CSMD1: variants seen among roughly 807,000 people sequenced by gnomAD.
The protein encoded by CSMD1 is CUB and sushi domain-containing protein 1.
Under a neutral mutation model 417.5 loss-of-function variants are expected in CSMD1, and 213 were observed. The ratio of observed to expected loss-of-function variants is 0.51; its 90% CI spans 0.46 to 0.57. The LOEUF is 0.57. CSMD1 is among the 20% of genes least tolerant of loss of function. The probability of loss-of-function intolerance (pLI) is 0.00; values close to 1 mark genes in which losing one functional copy is unlikely to be tolerated. For missense variants in CSMD1, 6,923 were observed against 4,529.7 expected, an observed-to-expected ratio of 1.53 and a Z score of -15.17; for synonymous variants, 2,862 against 1,736.8, an observed-to-expected ratio of 1.65 and a Z score of -16.11.
intron 5 of CSMD1, among the ~76,000 whole-genome samples, chr8:3,757,579 C>A (rs1015462745): frequency 6.6e-6 from 1 of 152,110 alleles, no homozygotes; most frequent in Admixed American, 6.6e-5. Context: ...TTTGTAAAAA[C>A]AGACCCGGTG....
chr8:4,724,342 T>C (rs184708810), intron 1 of CSMD1, among the ~76,000 whole-genome samples: 111 of 152,228 alleles, frequency 7.3e-4, no homozygotes, highest in African/African-American at 2.6e-3. Flanking sequence ...GAAGAGCTAA[T>C]AATGCCCATT....
intron 2 of CSMD1, among the ~76,000 whole-genome samples, chr8:4,435,347 G>T (rs1307824492): frequency 6.6e-6 from 1 of 152,060 alleles, no homozygotes; most frequent in Admixed American, 6.6e-5. Flanking sequence ...GAGTTTTGAG[G>T]CCTTATTTAA....
chr8:4,444,396 G>A (rs544207024), intron 2 of CSMD1, among the ~76,000 whole-genome samples: 164 of 143,230 alleles, frequency 1.1e-3, no homozygotes, highest in African/African-American at 4.0e-3. Flanking sequence ...CTTGGAGTAG[G>A]TCATGCTGAA....
At chr8:3,127,514 A>G (rs2129024210) in intron 41 of CSMD1, 1 of 152,322 alleles carries the variant, frequency 6.6e-6, no homozygotes, top group South Asian at 2.1e-4. Flanking sequence ...TTGTTCTTCT[A>G]AAGGGGAAAA....
intron 37 of CSMD1, among the ~76,000 whole-genome samples, chr8:3,166,899 A>G (rs893674252): frequency 2.0e-5 from 3 of 152,200 alleles, no homozygotes; most frequent in African/African-American, 7.2e-5. Flanking sequence ...TTTTCAAGAG[A>G]AATAATTTGT....
intron 1 of CSMD1, among the ~76,000 whole-genome samples, chr8:4,786,734 CTTTATT>C: frequency 6.6e-6 from 1 of 152,070 alleles, no homozygotes; most frequent in South Asian, 2.1e-4. Flanking sequence ...AGTCCATTAT[CTTTATT>C]TTTTTTTCTT....
chr8:3,555,108 C>A (rs1229984529), intron 10 of CSMD1, among the ~76,000 whole-genome samples: 1 of 151,970 alleles, frequency 6.6e-6, no homozygotes, highest in Non-Finnish European at 1.5e-5. Flanking sequence ...CCGTGACAGG[C>A]AAACCCTGGC....
At chr8:3,492,732 G>A (rs1045131032) in intron 11 of CSMD1, among the ~76,000 whole-genome samples, 1 of 152,180 alleles carries the variant, frequency 6.6e-6, no homozygotes, top group Non-Finnish European at 1.5e-5. Context: ...AAACTGAGAA[G>A]TGGGATCAGT....
At chr8:3,151,110 G>T in intron 40 of CSMD1, 1 of 248,050 alleles carries the variant, frequency 4.0e-6, no homozygotes, top group Non-Finnish European at 7.7e-6. Context: ...TAAATAAAGA[G>T]ATTGATAATT....
intron 3 of CSMD1, among the ~76,000 whole-genome samples, chr8:4,262,966 A>C (rs1219715916): frequency 6.6e-6 from 1 of 152,206 alleles, no homozygotes; most frequent in Admixed American, 6.5e-5. Context: ...TGAGTCTCCA[A>C]GTAGAATCAC....
intron 4 of CSMD1, among the ~76,000 whole-genome samples, chr8:4,010,612 A>C (rs548145041): frequency 2.0e-5 from 3 of 152,148 alleles, no homozygotes; most frequent in African/African-American, 7.2e-5. Context: ...CCAACTCTCC[A>C]TACCAGGTCA....
At chr8:4,885,562 T>A (rs1417350989) in intron 1 of CSMD1, among the ~76,000 whole-genome samples, 2 of 152,058 alleles carry the variant, frequency 1.3e-5, no homozygotes, top group Non-Finnish European at 2.9e-5. Flanking sequence ...TGTCAAATGC[T>A]TTTTCTGCAT....
At chr8:4,158,882 C>T (rs1253292106) in intron 3 of CSMD1, among the ~76,000 whole-genome samples, 1 of 152,150 alleles carries the variant, frequency 6.6e-6, no homozygotes, top group Non-Finnish European at 1.5e-5. Context: ...CAGTTTACTA[C>T]TGTTTCCAGC....
intron 3 of CSMD1, among the ~76,000 whole-genome samples, chr8:4,181,100 CAT>C (rs1798345411): frequency 6.6e-6 from 1 of 152,132 alleles, no homozygotes; most frequent in Non-Finnish European, 1.5e-5. Context: ...CATTCCAACA[CAT>C]GATTGACCAG....
chr8:3,830,576 T>C (rs965058848), intron 5 of CSMD1, among the ~76,000 whole-genome samples: 3 of 152,190 alleles, frequency 2.0e-5, no homozygotes, highest in African/African-American at 4.8e-5. Context: ...TAAGTTATTA[T>C]TGAAGAATGA....
intron 3 of CSMD1, among the ~76,000 whole-genome samples, chr8:4,045,731 G>C (rs767299356): frequency 2.0e-5 from 3 of 152,152 alleles, no homozygotes; most frequent in Non-Finnish European, 2.9e-5. Flanking sequence ...AAAATAAAAC[G>C]TGTGAACACC....
intron 7 of CSMD1, among the ~76,000 whole-genome samples, chr8:3,643,700 C>CAAAAAAA (rs66500235): frequency 1.9e-4 from 16 of 85,330 alleles, no homozygotes; most frequent in Non-Finnish European, 2.0e-4. Context: ...GACTCCGTCT[C>CAAAAAAA]AAAAAAAAAA....
intron 6 of CSMD1, among the ~76,000 whole-genome samples, chr8:3,724,194 A>C (rs1802353748): frequency 2.6e-5 from 1 of 39,178 alleles, no homozygotes; most frequent in South Asian, 1.6e-3. Context: ...CTCTTTTACT[A>C]CTTTTTTTTT....
intron 25 of CSMD1, among the ~76,000 whole-genome samples, chr8:3,291,885 T>C (rs1410102806): frequency 2.0e-5 from 3 of 151,966 alleles, no homozygotes; most frequent in Non-Finnish European, 2.9e-5. Flanking sequence ...AATGTGTTTG[T>C]TCTTGCTTTT....
Sources: gnomAD v4.1 joint callset for allele counts (sites outside exome capture counted in the v4.1 genomes callset) on GRCh38, gnomAD v4.1.1 for gene constraint, MANE v1.5 for transcripts, NCBI Gene and HGNC (gene_info 2026-07-23, HGNC 2026-07-21) for gene names.